Variants in MACROD2 observed in about 807,000 individuals in gnomAD.
MACROD2 encodes the protein mono-ADP ribosylhydrolase 2.
Under a neutral mutation model 70.4 loss-of-function variants are expected in MACROD2, and 36 were observed. The observed-to-expected ratio is 0.51, with a 90% CI of 0.39 to 0.68. The LOEUF is 0.68. Ranked by LOEUF, MACROD2 falls within the 30% of genes least tolerant of loss-of-function variation. The pLI is 0.00. For missense variants in MACROD2, 496 were observed against 538.4 expected (o/e 0.92, Z 0.78); for synonymous variants, 172 against 178.8 (o/e 0.96, Z 0.30).
chr20:16,048,358 G>A (rs1376452752), intron 17 of MACROD2, among the ~76,000 whole-genome samples: 1 of 151,706 alleles, frequency 6.6e-6, no homozygotes, highest in Non-Finnish European at 1.5e-5. Flanking sequence ...AAAACAATAA[G>A]AAAAGAGCAA....
At chr20:15,652,788 C>T (rs1368515667) in intron 8 of MACROD2, among the ~76,000 whole-genome samples, 2 of 151,816 alleles carry the variant, frequency 1.3e-5, no homozygotes, top group African/African-American at 2.4e-5. Context: ...CTAGTTTTCT[C>T]ATTCATAAAA....
At chr20:14,900,120 T>C (rs1402931436) in intron 5 of MACROD2, among the ~76,000 whole-genome samples, 1 of 152,152 alleles carries the variant, frequency 6.6e-6, no homozygotes. Context: ...ACATGATTAC[T>C]TTTCATATGT....
At chr20:14,736,117 A>G (rs1178168169) in intron 5 of MACROD2, among the ~76,000 whole-genome samples, 1 of 152,198 alleles carries the variant, frequency 6.6e-6, no homozygotes, top group Non-Finnish European at 1.5e-5. Context: ...AATGTCTCAT[A>G]TACATATGTA....
At chr20:15,847,766 C>A (rs533597818) in intron 8 of MACROD2, among the ~76,000 whole-genome samples, 1 of 152,084 alleles carries the variant, frequency 6.6e-6, no homozygotes, top group Non-Finnish European at 1.5e-5. Flanking sequence ...CCATATACCC[C>A]CAGTGAGAAA....
Position 15,368,270 on chromosome 20 carries a change from T to C in MACROD2, c.541-63135T>C, listed in dbSNP as rs962218783. Among the ~76,000 whole-genome samples, 24 of 151,038 alleles carry C rather than the reference T, an allele frequency of 1.6e-4. 1 individual carries two copies. Among genetic ancestry groups the C allele is most frequent in the Admixed American group, 6.6e-5 (1 of 15,138 alleles). ...AACACTAAGGAGGCAGAGCCATCAA[T>C]TGGTGTTCTTTAACAACCCTCCAGG... On this transcript the variant is annotated intron_variant, in intron 6 of 17. Transcript: ENST00000684519.
At position 14,558,823 on chromosome 20, in the gene MACROD2, T is replaced by C. The variant is rs192983751; in HGVS notation, c.301+65315T>C. On this transcript the variant is annotated intron_variant, in intron 4 of 17. Transcript: ENST00000684519. ...ATTCCTGAAAGAGCTGCTTCTGTCTTTTTATCCTCAAAATACAATACTGTA... is the reference window on the plus strand; with the variant it reads ...ATTCCTGAAAGAGCTGCTTCTGTCTCTTTATCCTCAAAATACAATACTGTA... Among the ~76,000 whole-genome samples the C allele has an allele frequency of 2.0e-5, 3 of 151,880 alleles. No individual in the cohort carries two copies. The East Asian group carries it at 5.8e-4, about 29-fold the overall frequency.
chr20:14,263,248 G>A (rs1344459897), intron 3 of MACROD2, among the ~76,000 whole-genome samples: 1 of 152,134 alleles, frequency 6.6e-6, no homozygotes, highest in Non-Finnish European at 1.5e-5. Context: ...GGAATTTAAT[G>A]CAAATAATTT....
chr20:14,182,622 A>AG (rs2081313685), intron 3 of MACROD2, among the ~76,000 whole-genome samples: 1 of 152,046 alleles, frequency 6.6e-6, no homozygotes. Flanking sequence ...GTAGTGTTTT[A>AG]GCTCTTATAT....
intron 3 of MACROD2, among the ~76,000 whole-genome samples, chr20:14,283,319 CT>C (rs2082320632): frequency 6.6e-6 from 1 of 152,088 alleles, no homozygotes; most frequent in South Asian, 2.1e-4. Context: ...CCTGCCCTTC[CT>C]TTTACATTTG....
chr20:14,448,544 G>T (rs1197878659), intron 3 of MACROD2, among the ~76,000 whole-genome samples: 1 of 151,868 alleles, frequency 6.6e-6, no homozygotes, highest in East Asian at 1.9e-4. Context: ...AGGCATGGTG[G>T]TGCATGCCTG....
At chr20:15,595,889 G>GCCTAAT (rs201131733) in intron 8 of MACROD2, among the ~76,000 whole-genome samples, 280 of 152,208 alleles carry the variant, frequency 1.8e-3, no homozygotes, top group Middle Eastern at 0.014. Flanking sequence ...CAACGTAATA[G>GCCTAAT]CCTAATTTAA....
intron 2 of MACROD2, among the ~76,000 whole-genome samples, chr20:14,015,460 C>G (rs2052975479): frequency 6.6e-6 from 1 of 152,100 alleles, no homozygotes; most frequent in South Asian, 2.1e-4. Flanking sequence ...ACTTGTTGTC[C>G]CACCTATTCA....
chr20:15,667,007 A>G (rs1372216068), intron 8 of MACROD2, among the ~76,000 whole-genome samples: 2 of 152,148 alleles, frequency 1.3e-5, no homozygotes, highest in African/African-American at 4.8e-5. Context: ...TTTTCTATCT[A>G]TCTATCAATT....
At chr20:15,247,544 G>A (rs548681489) in intron 6 of MACROD2, among the ~76,000 whole-genome samples, 56 of 152,140 alleles carry the variant, frequency 3.7e-4, no homozygotes, top group Non-Finnish European at 6.6e-4. Flanking sequence ...GTTGGGACCT[G>A]CCACTTTCTG....
chr20:15,846,578 G>A (rs2064233228), intron 8 of MACROD2, among the ~76,000 whole-genome samples: 1 of 152,058 alleles, frequency 6.6e-6, no homozygotes, highest in Admixed American at 6.6e-5. Context: ...CAGAACAAAG[G>A]AATTTCCTGG....
intron 8 of MACROD2, among the ~76,000 whole-genome samples, chr20:15,804,415 A>G (rs527743416): frequency 6.6e-6 from 1 of 152,206 alleles, no homozygotes; most frequent in Non-Finnish European, 1.5e-5. Flanking sequence ...AATCCTATAA[A>G]TCAATGACCT....
rs143813731 is a variant in MACROD2 at position 14,771,153 on chromosome 20, C to A, written c.418+86194C>A. On this transcript the variant is annotated intron_variant, in intron 5 of 17. Transcript: ENST00000684519. ...AGAATTCACTCTTTCTGCCTGATGG[C>A]TTGAGCTGGAACATCAGTCTTCTCC... 6.2e-3 allele frequency among the ~76,000 whole-genome samples: 942 copies of A among 152,146 alleles called. 19 individuals carry two copies. Among genetic ancestry groups the A allele is most frequent in the African/African-American group, 0.021 (879 of 41,452 alleles).
intron 2 of MACROD2, among the ~76,000 whole-genome samples, chr20:14,058,423 G>A (rs1237813702): frequency 1.5e-5 from 2 of 133,174 alleles, no homozygotes; most frequent in African/African-American, 5.8e-5. Context: ...TGTATGGCAG[G>A]GTACATTTAG....
At chr20:14,673,771 T>A (rs911939054) in intron 4 of MACROD2, among the ~76,000 whole-genome samples, 3 of 151,540 alleles carry the variant, frequency 2.0e-5, no homozygotes, top group Non-Finnish European at 4.4e-5. Context: ...AAACAAAAAA[T>A]TAGCTGGGTG....
Sources: gnomAD v4.1 joint callset for allele counts (sites outside exome capture counted in the v4.1 genomes callset) on GRCh38, gnomAD v4.1.1 for gene constraint, MANE v1.5 for transcripts, NCBI Gene and HGNC (gene_info 2026-07-23, HGNC 2026-07-21) for gene names.